HSD17B4: variants seen among roughly 807,000 people sequenced by gnomAD.
The protein encoded by HSD17B4 is peroxisomal multifunctional enzyme type 2.
HSD17B4 carries 70 observed loss-of-function variants against 101.0 expected under a neutral mutation model. That is an observed-to-expected ratio of 0.69 (90% CI 0.57 to 0.85). HSD17B4 has a LOEUF of 0.85. Ranked by LOEUF, HSD17B4 falls within the 40% of genes least tolerant of loss-of-function variation. The probability of loss-of-function intolerance (pLI) is 0.00; values close to 1 mark genes in which losing one functional copy is unlikely to be tolerated. For synonymous variants in HSD17B4, 347 were observed against 297.1 expected, an observed-to-expected ratio of 1.17 and a Z score of -1.73; for missense variants, 984 against 892.4, an observed-to-expected ratio of 1.10 and a Z score of -1.31.
At chr5:119,453,030 G>A (rs1754230024) in intron 1 of HSD17B4, among the ~76,000 whole-genome samples, 1 of 152,252 alleles carries the variant, frequency 6.6e-6, no homozygotes, top group South Asian at 2.1e-4. Context: ...AGGGGCGGGG[G>A]CTGGAATTCG....
intron 11 of HSD17B4, chr5:119,495,915 G>T (rs184015038): frequency 6.5e-6 from 1 of 153,444 alleles, no homozygotes; most frequent in African/African-American, 2.4e-5. Context: ...TGTCTCTAAG[G>T]TTTGTGAGAA....
intron 2 of HSD17B4, among the ~76,000 whole-genome samples, chr5:119,463,655 CTTTTTTTTT>C (rs57252147): frequency 1.0e-4 from 3 of 29,698 alleles, no homozygotes; most frequent in South Asian, 5.8e-3. Context: ...ATTTATATGT[CTTTTTTTTT>C]TTTTTTTTTT....
intron 23 of HSD17B4, 125 bp from the exon 24 acceptor site, chr5:119,541,780 G>A: frequency 1.5e-6 from 1 of 664,668 alleles, no homozygotes; most frequent in Middle Eastern, 2.8e-4. Context: ...CTAAATAAAG[G>A]TTGCCTTTGT....
At chr5:119,517,103 A>C (rs1752681313) in intron 17 of HSD17B4, among the ~76,000 whole-genome samples, 1 of 151,994 alleles carries the variant, frequency 6.6e-6, no homozygotes, top group Admixed American at 6.5e-5. Flanking sequence ...GGTGGTGTGG[A>C]GGGAGAGGCG....
At chr5:119,455,075 CAT>C (rs1336266998) in intron 1 of HSD17B4, among the ~76,000 whole-genome samples, 1 of 152,196 alleles carries the variant, frequency 6.6e-6, no homozygotes. Flanking sequence ...AAAATATACA[CAT>C]ATTAAAAAAT....
At chr5:119,494,325 T>TTTCCTTTC (rs1554064680) in intron 11 of HSD17B4, among the ~76,000 whole-genome samples, 5 of 111,524 alleles carry the variant, frequency 4.5e-5, no homozygotes, top group Admixed American at 9.6e-5. Context: ...TCTTTCTTTC[T>TTTCCTTTC]TTTCTTTCTT....
rs1412638588 is a variant in HSD17B4, at chr5:119,515,053, T to C, written c.1503+7T>C. 6.6e-7 allele frequency: 1 copy of C among 1,526,164 alleles called. No individual in the cohort carries two copies. Among genetic ancestry groups the C allele is most frequent in the East Asian group, 2.3e-5 (1 of 44,340 alleles). The allele number at this position is 1,526,164 out of a possible 1,614,324, so 94.5% of individuals were successfully genotyped here. On this transcript the variant is annotated splice_region_variant and intron_variant, in intron 17 of 23. Transcript: ENST00000510025. ...TACCACCTCTCTTAATCAGGTAAGA[T>C]TGTATTTTTGAAAAATGATAAATCC...
chr5:119,484,624 G>A (rs1168555121), intron 8 of HSD17B4, among the ~76,000 whole-genome samples: 1 of 152,048 alleles, frequency 6.6e-6, no homozygotes, highest in African/African-American at 2.4e-5. Flanking sequence ...CTGTGAAAAG[G>A]TACAAAATAA....
At chr5:119,478,628 T>G (rs1748821963) in intron 7 of HSD17B4, among the ~76,000 whole-genome samples, 3 of 152,192 alleles carry the variant, frequency 2.0e-5, no homozygotes, top group African/African-American at 7.2e-5. Context: ...AGAGAATCTT[T>G]TTAAAACAGT....
intron 2 of HSD17B4, among the ~76,000 whole-genome samples, chr5:119,461,903 C>T (rs1755280123): frequency 6.6e-6 from 1 of 151,992 alleles, no homozygotes; most frequent in African/African-American, 2.4e-5. Context: ...AAAAGGATTT[C>T]CCAATATTCG....
intron 14 of HSD17B4, among the ~76,000 whole-genome samples, chr5:119,504,728 G>A (rs1246675149): frequency 1.3e-5 from 2 of 151,948 alleles, no homozygotes; most frequent in Non-Finnish European, 2.9e-5. Context: ...TCTTTAGGTT[G>A]TCTGTTTACT....
At chr5:119,503,971 C>T (rs1272002349) in intron 14 of HSD17B4, among the ~76,000 whole-genome samples, 4 of 151,994 alleles carry the variant, frequency 2.6e-5, no homozygotes, top group African/African-American at 9.7e-5. Flanking sequence ...CTGTTGTTCC[C>T]ATCTTTATGT....
chr5:119,536,703 G>A (rs1468828005), intron 23 of HSD17B4, among the ~76,000 whole-genome samples, 153 bp downstream of exon 23: 2 of 152,030 alleles, frequency 1.3e-5, no homozygotes, highest in African/African-American at 4.8e-5. Context: ...TGGTTGACAG[G>A]TCATATATTT....
intron 2 of HSD17B4, among the ~76,000 whole-genome samples, chr5:119,466,262 C>CT (rs1393901389): frequency 2.6e-5 from 4 of 151,598 alleles, no homozygotes; most frequent in Admixed American, 1.3e-4. Flanking sequence ...CTTCAGTTTT[C>CT]TTTTTTTTGT....
At chr5:119,535,083 A>G (rs1754423473) in intron 22 of HSD17B4, among the ~76,000 whole-genome samples, 1 of 151,856 alleles carries the variant, frequency 6.6e-6, no homozygotes, top group African/African-American at 2.4e-5. Flanking sequence ...CTTCTTTACT[A>G]TTTTTTTCCA....
intron 2 of HSD17B4, among the ~76,000 whole-genome samples, chr5:119,462,303 C>A (rs1018378576): frequency 2.0e-5 from 1 of 50,278 alleles, no homozygotes; most frequent in African/African-American, 6.6e-5. Context: ...AACTAATGAT[C>A]TTTTTAGGGT....
chr5:119,471,361 C>T (rs1311372433), intron 2 of HSD17B4, among the ~76,000 whole-genome samples: 2 of 152,004 alleles, frequency 1.3e-5, no homozygotes, highest in East Asian at 3.8e-4. Flanking sequence ...AAAAAAAAAT[C>T]TCAGTCCACA....
chr5:119,528,122 A>G (rs1374012116), intron 20 of HSD17B4, among the ~76,000 whole-genome samples: 1 of 152,138 alleles, frequency 6.6e-6, no homozygotes, highest in Non-Finnish European at 1.5e-5. Context: ...TTTAATATGC[A>G]TAATAAATCT....
In HSD17B4 at chr5:119,525,985, T is replaced by A; in HGVS notation, c.1642T>A (p.Phe548Ile). Reference sequence around the variant, plus strand: ...TTCTGCCAGGCGTGTGTTACAGCAGTTTGCAGATAATGATGTGTCAAGATT... The same window carrying A: ...TTCTGCCAGGCGTGTGTTACAGCAGATTGCAGATAATGATGTGTCAAGATT... Reference protein sequence around the residue: ...GFSARRVLQQFADNDVSRFKA... With the variant: ...GFSARRVLQQIADNDVSRFKA... Residue 548 changes from phenylalanine (F) to isoleucine (I), a missense_variant, in exon 19 of 24, where the codon TTT becomes ATT. Transcript: ENST00000510025. The A allele has an allele frequency of 1.9e-6, 3 of 1,610,060 alleles. No homozygotes were observed. Among genetic ancestry groups the A allele is most frequent in the Non-Finnish European group, 2.5e-6 (3 of 1,176,556 alleles).
Sources: gnomAD v4.1 joint callset for allele counts (sites outside exome capture counted in the v4.1 genomes callset) on GRCh38, gnomAD v4.1.1 for gene constraint, MANE v1.5 for transcripts, NCBI Gene and HGNC (gene_info 2026-07-23, HGNC 2026-07-21) for gene names.